SDHB: variants seen among roughly 807,000 people sequenced by gnomAD.
The protein encoded by SDHB is succinate dehydrogenase [ubiquinone] iron-sulfur subunit, mitochondrial.
In SDHB, 21 loss-of-function variants were observed where a neutral mutation model predicts 39.7. The observed-to-expected ratio is 0.53, with a 90% CI of 0.37 to 0.76. The LOEUF (loss-of-function observed/expected upper bound fraction) is 0.76, where lower values mean the gene tolerates loss of function less well. Ranked by LOEUF, SDHB falls within the 30% of genes least tolerant of loss-of-function variation. SDHB has a pLI of 0.00. For synonymous variants in SDHB, 118 were observed against 117.0 expected, an observed-to-expected ratio of 1.01 and a Z score of -0.06; for missense variants, 343 against 350.9, an observed-to-expected ratio of 0.98 and a Z score of 0.18.
chr1:17,030,649 G>A (rs2078017470), intron 3 of SDHB, among the ~76,000 whole-genome samples: 1 of 151,968 alleles, frequency 6.6e-6, no homozygotes, highest in Non-Finnish European at 1.5e-5. Context: ...TTAGGTCAGA[G>A]AAACCTGATT....
chr1:17,037,594 T>G (rs2078056942), intron 2 of SDHB, among the ~76,000 whole-genome samples: 1 of 152,140 alleles, frequency 6.6e-6, no homozygotes, highest in African/African-American at 2.4e-5. Context: ...GAAGCTGGGA[T>G]TACAGGTGTG....
chr1:17,051,425 G>A (rs2078146606), intron 1 of SDHB, among the ~76,000 whole-genome samples: 1 of 152,214 alleles, frequency 6.6e-6, no homozygotes, highest in African/African-American at 2.4e-5. Flanking sequence ...TAGGGTGCAG[G>A]CTTGGAGTTG....
intron 2 of SDHB, among the ~76,000 whole-genome samples, chr1:17,035,316 T>A (rs1311272015): frequency 6.6e-6 from 1 of 152,178 alleles, no homozygotes; most frequent in African/African-American, 2.4e-5. Flanking sequence ...AATTTTAAGT[T>A]ACTCCCCTAA....
At chr1:17,032,197 T>G (rs974126683) in intron 3 of SDHB, among the ~76,000 whole-genome samples, 2 of 152,030 alleles carry the variant, frequency 1.3e-5, no homozygotes, top group Non-Finnish European at 1.5e-5. Flanking sequence ...TTAGTAATTA[T>G]ATTTTTCTTT....
intron 1 of SDHB, among the ~76,000 whole-genome samples, chr1:17,052,900 T>C (rs1239419270): frequency 6.6e-6 from 1 of 152,226 alleles, no homozygotes; most frequent in African/African-American, 2.4e-5. Flanking sequence ...GGAGTTTTTC[T>C]GGTACCATGT....
intron 1 of SDHB, among the ~76,000 whole-genome samples, chr1:17,051,864 T>C (rs2078150051): frequency 6.6e-6 from 1 of 151,146 alleles, no homozygotes; most frequent in East Asian, 1.9e-4. Context: ...TTTTTGAGAC[T>C]GAGTTTCGCT....
At chr1:17,053,536 C>T (rs917167733) in intron 1 of SDHB, among the ~76,000 whole-genome samples, 1 of 152,082 alleles carries the variant, frequency 6.6e-6, no homozygotes, top group Non-Finnish European at 1.5e-5. Flanking sequence ...ACCTCGCTTC[C>T]CAATTCCCAT....
At chr1:17,019,232 G>C (rs905764883) in intron 7 of SDHB, among the ~76,000 whole-genome samples, 4 of 152,214 alleles carry the variant, frequency 2.6e-5, no homozygotes, top group African/African-American at 7.2e-5. Context: ...GCCCAGGGCA[G>C]AGGTGCACTC....
intron 1 of SDHB, among the ~76,000 whole-genome samples, chr1:17,050,829 G>A (rs1402405011): frequency 1.3e-5 from 2 of 152,118 alleles, no homozygotes; most frequent in Non-Finnish European, 2.9e-5. Context: ...TATGTTATCT[G>A]TGTTCCACCA....
intron 5 of SDHB, among the ~76,000 whole-genome samples, chr1:17,027,203 G>A (rs1570947488): frequency 1.3e-5 from 2 of 152,172 alleles, no homozygotes; most frequent in African/African-American, 4.8e-5. Context: ...TGATAATGAT[G>A]CCTCCGCTTT....
intron 1 of SDHB, 93 bp downstream of exon 1, chr1:17,053,855 C>T: frequency 1.1e-6 from 1 of 927,622 alleles, no homozygotes; most frequent in South Asian, 1.4e-5. Flanking sequence ...GAGGCCTTGC[C>T]CTATGCTTCC....
chr1:17,031,082 C>T (rs7550829), intron 3 of SDHB, among the ~76,000 whole-genome samples: 22,395 of 151,658 alleles, frequency 0.15, 2,454 homozygotes, highest in African/African-American at 0.31. Context: ...AGCCACTGCG[C>T]CCAGTCGGTT....
At chr1:17,038,232 T>C (rs2078060774) in intron 2 of SDHB, among the ~76,000 whole-genome samples, 1 of 152,224 alleles carries the variant, frequency 6.6e-6, no homozygotes, top group Non-Finnish European at 1.5e-5. Flanking sequence ...TGTAAAAGAT[T>C]ATGTTATCTA....
chr1:17,039,326 T>C (rs1257769070), intron 2 of SDHB, among the ~76,000 whole-genome samples: 2 of 150,874 alleles, frequency 1.3e-5, no homozygotes, highest in East Asian at 3.9e-4. Flanking sequence ...GGCTCACACC[T>C]GTAATCCTAG....
chr1:17,025,269 T>C (rs1472146680), intron 5 of SDHB, among the ~76,000 whole-genome samples: 2 of 152,118 alleles, frequency 1.3e-5, no homozygotes, highest in African/African-American at 4.8e-5. Context: ...ATGCTCACAA[T>C]AACATAAGTG....
chr1:17,051,171 C>T (rs1164644289), intron 1 of SDHB, among the ~76,000 whole-genome samples: 1 of 152,144 alleles, frequency 6.6e-6, no homozygotes, highest in African/African-American at 2.4e-5. Flanking sequence ...TGATTTTTTT[C>T]CCCTTGTTAC....
chr1:17,025,996 CAT>C (rs2077989360), intron 5 of SDHB, among the ~76,000 whole-genome samples: 1 of 152,184 alleles, frequency 6.6e-6, no homozygotes, highest in South Asian at 2.1e-4. Context: ...AATCTGAAAA[CAT>C]ATGAAACCCC....
At chr1:17,021,847 G>A (rs946536732) in intron 7 of SDHB, among the ~76,000 whole-genome samples, 16 of 152,126 alleles carry the variant, frequency 1.1e-4, no homozygotes, top group Non-Finnish European at 2.1e-4. Flanking sequence ...AGATGCTGGC[G>A]CCAGCCTCTA....
chr1:17,046,323 A>C (rs960452838), intron 1 of SDHB, among the ~76,000 whole-genome samples: 1 of 150,858 alleles, frequency 6.6e-6, no homozygotes, highest in Non-Finnish European at 1.5e-5. Context: ...GAAGGTATCA[A>C]CTCCAGTGGA....
Sources: gnomAD v4.1 joint callset for allele counts (sites outside exome capture counted in the v4.1 genomes callset) on GRCh38, gnomAD v4.1.1 for gene constraint, MANE v1.5 for transcripts, NCBI Gene and HGNC (gene_info 2026-07-23, HGNC 2026-07-21) for gene names.